The following MS4A4E variants were observed in gnomAD, a reference collection of about 807,000 sequenced individuals.
MS4A4E encodes the protein putative membrane-spanning 4-domains subfamily A member 4E.
In MS4A4E, 23 loss-of-function variants were observed where a neutral mutation model predicts 13.3. That is an observed-to-expected ratio of 1.73 (90% CI 1.25 to 2.45). MS4A4E has a LOEUF of 2.45. Ranked by LOEUF, MS4A4E falls within the 30% of genes most tolerant of loss-of-function variation. The pLI is 0.00. For missense variants in MS4A4E, 144 were observed against 131.2 expected (o/e 1.10, Z -0.48); for synonymous variants, 36 against 45.6 (o/e 0.79, Z 0.85).
intron 1 of MS4A4E, among the ~76,000 whole-genome samples, chr11:60,236,940 T>C (rs1263376411): frequency 6.6e-6 from 1 of 152,182 alleles, no homozygotes; most frequent in Admixed American, 6.5e-5. Flanking sequence ...TTCACCATGT[T>C]GGCCAGGCTG....
Position 60,242,956 on chromosome 11 carries a change from A to G in MS4A4E, c.-17+2T>C. 6.4e-7 allele frequency: 1 copy of G among 1,571,258 alleles called. No individual in the cohort carries two copies. The highest frequency in any genetic ancestry group is 8.7e-7 in the Non-Finnish European group (1 of 1,145,576). ...CCTAGGAAGGCAAGTCCCTGGACCT[A>G]CCTTTCTTCAGGCCTGCAATGTCTG... On this transcript the variant is annotated splice_donor_variant, in intron 1 of 8. Coordinates refer to ENST00000651255, the MANE Select transcript of MS4A4E (RefSeq NM_001393391.1). LOFTEE classifies it low-confidence loss of function (5UTR_SPLICE).
At chr11:60,210,376 C>T (rs937754997) in intron 5 of MS4A4E, among the ~76,000 whole-genome samples, 1 of 152,244 alleles carries the variant, frequency 6.6e-6, no homozygotes, top group Admixed American at 6.5e-5. Flanking sequence ...AACAGGAATT[C>T]ATCATGGACT....
intron 3 of MS4A4E, among the ~76,000 whole-genome samples, chr11:60,220,781 C>T (rs937013588): frequency 5.9e-5 from 9 of 152,172 alleles, no homozygotes; most frequent in African/African-American, 2.2e-4. Flanking sequence ...CCCCCACCCC[C>T]TACAACCAAG....
At chr11:60,216,473 T>C (rs2084195195) in intron 3 of MS4A4E, among the ~76,000 whole-genome samples, 2 of 152,114 alleles carry the variant, frequency 1.3e-5, no homozygotes, top group South Asian at 4.1e-4. Flanking sequence ...ATGAAGATAA[T>C]GAGAAATCCT....
intron 1 of MS4A4E, among the ~76,000 whole-genome samples, chr11:60,234,753 A>C (rs1176637287): frequency 6.7e-6 from 1 of 149,286 alleles, no homozygotes; most frequent in Non-Finnish European, 1.5e-5. Flanking sequence ...GAGATGAAGA[A>C]ATAAACAAAT....
chr11:60,240,123 A>C (rs1466573423), intron 1 of MS4A4E, among the ~76,000 whole-genome samples: 1 of 152,244 alleles, frequency 6.6e-6, no homozygotes, highest in Non-Finnish European at 1.5e-5. Context: ...CACTACAAGC[A>C]GTCCCTAATC....
At chr11:60,219,649 A>T (rs2084242850) in intron 3 of MS4A4E, among the ~76,000 whole-genome samples, 1 of 152,192 alleles carries the variant, frequency 6.6e-6, no homozygotes, top group Non-Finnish European at 1.5e-5. Context: ...CTCTTAAAGA[A>T]GGATCCCACT....
Position 60,208,650 on chromosome 11 carries a change from G to A in MS4A4E, c.426C>T (p.Cys142=). 6.8e-7 allele frequency: 1 copy of A among 1,477,706 alleles called. No individual in the cohort carries two copies. Among genetic ancestry groups the A allele is most frequent in the Non-Finnish European group, 9.4e-7 (1 of 1,065,244 alleles). 91.5% of individuals were successfully genotyped at this position (1,477,706 alleles called of 1,614,324 possible). ...MVLLLSVLEF[C]IAVALSAFGC... is the part of the protein sequence containing the mutation. ...CAAAGGCAGAGAGGGCCACAGCAAT[G>A]CAGAATTCCAGCACACTTAAGAGGA... The change falls in exon 6 of 9, where the codon TGC becomes TGT. Residue 142 remains cysteine (C), a synonymous_variant. Transcript: ENST00000651255.
At chr11:60,227,769 G>C (rs1230648994) in intron 3 of MS4A4E, among the ~76,000 whole-genome samples, 1 of 151,862 alleles carries the variant, frequency 6.6e-6, no homozygotes, top group Non-Finnish European at 1.5e-5. Flanking sequence ...CAAGGGAATA[G>C]AATAGAAAGC....
At position 60,229,607 on chromosome 11, in the gene MS4A4E, T is replaced by C. The variant is rs867730896; in HGVS notation, c.144+305A>G. On this transcript the variant is annotated intron_variant, in intron 2 of 8. Transcript: ENST00000651255. ...GAAGGCCTGTGGAGGGGGAGTCAGC[T>C]AGTGGACAGGTGGGCCTTTTCTTTT... Among the ~76,000 whole-genome samples, 5 of 152,186 alleles carry C rather than the reference T, an allele frequency of 3.3e-5. No individual in the cohort carries two copies. In the South Asian group the frequency reaches 8.3e-4, roughly 25 times the overall value.
intron 1 of MS4A4E, among the ~76,000 whole-genome samples, chr11:60,241,180 C>A (rs1043732423): frequency 3.3e-5 from 5 of 152,154 alleles, no homozygotes; most frequent in Non-Finnish European, 5.9e-5. Context: ...CCTGCCACCA[C>A]GCCTGGCTAA....
At chr11:60,220,779 C>A (rs1300001371) in intron 3 of MS4A4E, among the ~76,000 whole-genome samples, 4 of 152,152 alleles carry the variant, frequency 2.6e-5, no homozygotes, top group Non-Finnish European at 5.9e-5. Flanking sequence ...TGCCCCCACC[C>A]CCTACAACCA....
chr11:60,217,291 G>A (rs2084208831), intron 3 of MS4A4E, among the ~76,000 whole-genome samples: 1 of 152,166 alleles, frequency 6.6e-6, no homozygotes, highest in Non-Finnish European at 1.5e-5. Flanking sequence ...GACTCACCAG[G>A]TGTCTACTGT....
chr11:60,219,196 T>C (rs2084233863), intron 3 of MS4A4E, among the ~76,000 whole-genome samples: 1 of 152,194 alleles, frequency 6.6e-6, no homozygotes. Context: ...AGGGCAGCAC[T>C]TGCATCCTTG....
intron 3 of MS4A4E, among the ~76,000 whole-genome samples, chr11:60,215,352 A>G (rs1245275074): frequency 6.6e-6 from 1 of 151,888 alleles, no homozygotes; most frequent in Non-Finnish European, 1.5e-5. Context: ...CATGTAACAT[A>G]AAATACATCA....
At position 60,213,394 on chromosome 11, in the gene MS4A4E, T is replaced by G. The variant is rs1003788374; in HGVS notation, c.223-262A>C. On this transcript the variant is annotated intron_variant, in intron 4 of 8. Coordinates refer to ENST00000651255, the MANE Select transcript of MS4A4E (RefSeq NM_001393391.1). The stretch of plus-strand genomic sequence containing the variant: ...AGGGTTTTCAATGATTTTTTACACA[T>G]TAGCTGGACAGTCATGTCTGTGTCC... The G allele has an allele frequency of 2.2e-5, 26 of 1,198,348 alleles. No individual in the cohort carries two copies. In the African/African-American group the frequency reaches 3.5e-4, roughly 16 times the overall value. 74.2% of individuals were successfully genotyped at this position (1,198,348 alleles called of 1,614,324 possible). A position where few individuals can be genotyped will look rare whatever the true frequency, so the allele number is the denominator to read the frequency against.
chr11:60,211,700 G>A (rs1402521291), intron 5 of MS4A4E, among the ~76,000 whole-genome samples: 1 of 152,140 alleles, frequency 6.6e-6, no homozygotes, highest in African/African-American at 2.4e-5. Flanking sequence ...ATCACCTGAG[G>A]TCAGGAGTTC....
intron 4 of MS4A4E, 56 bp from the exon 5 acceptor site, chr11:60,213,188 T>C: frequency 9.2e-7 from 1 of 1,087,526 alleles, no homozygotes; most frequent in Non-Finnish European, 1.3e-6. Flanking sequence ...GATATATCTC[T>C]GTTAATTACT....
chr11:60,209,971 T>C (rs919160658), intron 5 of MS4A4E, among the ~76,000 whole-genome samples: 2 of 152,250 alleles, frequency 1.3e-5, no homozygotes, highest in Admixed American at 6.5e-5. Flanking sequence ...GCACAGAATA[T>C]AGAACAGCAA....
Sources: gnomAD v4.1 joint callset for allele counts (sites outside exome capture counted in the v4.1 genomes callset) on GRCh38, gnomAD v4.1.1 for gene constraint, MANE v1.5 for transcripts, NCBI Gene and HGNC (gene_info 2026-07-23, HGNC 2026-07-21) for gene names.